The following CDH23 variants were observed in gnomAD, a reference collection of about 807,000 sequenced individuals.
CDH23 encodes cadherin related 23, also known as cadherin-23.
CDH23 carries 189 observed loss-of-function variants against 317.1 expected under a neutral mutation model. That is an observed-to-expected ratio of 0.60 (90% confidence interval 0.53 to 0.67). The LOEUF (loss-of-function observed/expected upper bound fraction) is 0.67, where lower values mean the gene tolerates loss of function less well. Among genes scored for constraint, CDH23 ranks in the 30% least tolerant of loss-of-function variants. The pLI, the probability that CDH23 is intolerant of heterozygous loss-of-function variation, is 0.00. For synonymous variants in CDH23, 1,839 were observed against 1,876.8 expected (o/e 0.98, Z 0.52); for missense variants, 4,401 against 4,592.4 (o/e 0.96, Z 1.20).
chr10:71,530,700 G>T (rs1197595729), intron 6 of CDH23, among the ~76,000 whole-genome samples: 1 of 152,244 alleles, frequency 6.6e-6, no homozygotes, highest in Non-Finnish European at 1.5e-5. Context: ...ACCATCAGAA[G>T]AGGGAGGAGT....
At chr10:71,525,364 G>A (rs572732897) in intron 6 of CDH23, among the ~76,000 whole-genome samples, 2 of 152,296 alleles carry the variant, frequency 1.3e-5, no homozygotes, top group Admixed American at 1.3e-4. Flanking sequence ...CAGAGCAGTG[G>A]GACATGTGTT....
intron 6 of CDH23, among the ~76,000 whole-genome samples, chr10:71,546,628 T>C (rs377049685): frequency 6.6e-5 from 10 of 152,078 alleles, no homozygotes; most frequent in African/African-American, 2.2e-4. Flanking sequence ...ATGCCTGATA[T>C]ATAGTAGGTG....
At chr10:71,569,710 A>G (rs1857650385) in intron 7 of CDH23, among the ~76,000 whole-genome samples, 1 of 152,184 alleles carries the variant, frequency 6.6e-6, no homozygotes. Context: ...CTGTTAACTC[A>G]TCTGAATAAT....
At chr10:71,749,808 TC>T in intron 38 of CDH23, 1 of 151,708 alleles carries the variant, frequency 6.6e-6, no homozygotes, top group Non-Finnish European at 1.5e-5. Context: ...CCCTTTTCCA[TC>T]CCCCCAACCC....
intron 6 of CDH23, among the ~76,000 whole-genome samples, chr10:71,562,212 T>G (rs1857168558): frequency 6.6e-6 from 1 of 151,914 alleles, no homozygotes; most frequent in Non-Finnish European, 1.5e-5. Context: ...TGGCAAAGTC[T>G]GGCCCTGCCG....
intron 11 of CDH23, among the ~76,000 whole-genome samples, chr10:71,643,660 A>C (rs1862681294): frequency 6.6e-6 from 1 of 151,910 alleles, no homozygotes; most frequent in South Asian, 2.1e-4. Context: ...GCACACTCAC[A>C]CAATACGCCT....
chr10:71,790,542 C>A, intron 46 of CDH23, 129 bp downstream of exon 46: 2 of 1,216,686 alleles, frequency 1.6e-6, no homozygotes, highest in Non-Finnish European at 2.3e-6. Flanking sequence ...TTTTCACAGC[C>A]CAGAGTCCCC....
chr10:71,776,637 C>A (rs1190151067), intron 38 of CDH23, among the ~76,000 whole-genome samples: 1 of 152,196 alleles, frequency 6.6e-6, no homozygotes, highest in Non-Finnish European at 1.5e-5. Context: ...GAAGCCACTA[C>A]CACTCACATG....
chr10:71,496,247 G>A (rs544696164), intron 3 of CDH23, among the ~76,000 whole-genome samples: 15 of 152,352 alleles, frequency 9.8e-5, no homozygotes, highest in African/African-American at 3.4e-4. Context: ...ATCAGGTTGA[G>A]ATGCATGGCC....
At chr10:71,666,030 G>A (rs1284252079) in intron 14 of CDH23, among the ~76,000 whole-genome samples, 1 of 152,212 alleles carries the variant, frequency 6.6e-6, no homozygotes. Context: ...CATTGGCACT[G>A]GTGATGGAGT....
rs1345656667 is a variant in CDH23 at position 71,690,555 on chromosome 10, C to T, written c.2147C>T (p.Ser716Phe). 2 of 1,607,570 alleles carry T rather than the reference C, an allele frequency of 1.2e-6. No homozygotes were observed. The highest frequency in any genetic ancestry group is 1.7e-6 in the Non-Finnish European group (2 of 1,177,192). Residue 716 changes from serine to phenylalanine, a missense_variant, in exon 20 of 70, where the codon TCC becomes TTC. Coordinates refer to ENST00000224721, the MANE Select transcript of CDH23 (RefSeq NM_022124.6). The part of the protein sequence containing the change: ...QESIIYSLEG[S>F]TQFRINARSG... ...TCCATCATCTACTCCTTGGAAGGCT[C>T]CACCCAGTTTCGGATCAATGCCCGC...
chr10:71,516,897 T>C (rs1854361353), intron 6 of CDH23, among the ~76,000 whole-genome samples: 1 of 152,230 alleles, frequency 6.6e-6, no homozygotes, highest in East Asian at 1.9e-4. Context: ...CGTAGAGTGC[T>C]CAGCCCGGGT....
intron 9 of CDH23, among the ~76,000 whole-genome samples, chr10:71,603,790 G>T (rs1229049325): frequency 1.3e-5 from 2 of 152,232 alleles, no homozygotes; most frequent in Non-Finnish European, 2.9e-5. Context: ...TGGTCACTTA[G>T]TAACCATGTA....
intron 2 of CDH23, among the ~76,000 whole-genome samples, chr10:71,443,612 G>A (rs1850006224): frequency 6.6e-6 from 1 of 152,256 alleles, no homozygotes; most frequent in South Asian, 2.1e-4. Context: ...AGAGGGCTCA[G>A]GGCAGTGCTC....
chr10:71,721,326 C>T (rs57854631), intron 28 of CDH23, among the ~76,000 whole-genome samples: 2,708 of 152,240 alleles, frequency 0.018, 82 homozygotes, highest in African/African-American at 0.062. Context: ...TCCAGCCATC[C>T]CCAGCTCTGG....
intron 1 of CDH23, among the ~76,000 whole-genome samples, chr10:71,437,333 G>A (rs781782173): frequency 4.6e-5 from 7 of 152,308 alleles, no homozygotes; most frequent in South Asian, 2.1e-4. Flanking sequence ...AGATGTTCGC[G>A]GTGGCATTGC....
chr10:71,697,263 A>G (rs1865426462), intron 22 of CDH23, among the ~76,000 whole-genome samples: 1 of 152,164 alleles, frequency 6.6e-6, no homozygotes, highest in Non-Finnish European at 1.5e-5. Flanking sequence ...AGGCATGGAC[A>G]ATGGACCAAG....
intron 2 of CDH23, 59 bp from the exon 3 acceptor site, chr10:71,446,259 T>A: frequency 6.7e-7 from 1 of 1,501,552 alleles, no homozygotes; most frequent in Middle Eastern, 1.7e-4. Flanking sequence ...TGTCACCTTA[T>A]AGAGTGTGTA....
intron 1 of CDH23, among the ~76,000 whole-genome samples, chr10:71,433,237 T>C (rs1260124610): frequency 6.6e-6 from 1 of 152,168 alleles, no homozygotes; most frequent in Non-Finnish European, 1.5e-5. Context: ...CCATCCCCTG[T>C]TGCTTCCTAG....
Sources: allele counts gnomAD v4.1 joint callset (sites outside exome capture counted in the v4.1 genomes callset), GRCh38; gene constraint gnomAD v4.1.1; transcripts MANE v1.5; gene names NCBI Gene and HGNC (gene_info 2026-07-23, HGNC 2026-07-21).